Variants in SGCZ observed in about 807,000 individuals in gnomAD.
The protein encoded by SGCZ is sarcoglycan zeta, also known as zeta-sarcoglycan.
Under a neutral mutation model 41.3 loss-of-function variants are expected in SGCZ, and 40 were observed. That is an observed-to-expected ratio of 0.97 (90% CI 0.75 to 1.26). The LOEUF is 1.26. Ranked by LOEUF, SGCZ falls within the 50% of genes most tolerant of loss-of-function variation. The pLI is 0.00. For synonymous variants in SGCZ, 206 were observed against 137.5 expected (o/e 1.50, Z -3.49); for missense variants, 552 against 369.8 (o/e 1.49, Z -4.04).
rs181224754 is a variant in SGCZ at position 15,090,882 on chromosome 8, C to T, written c.39+146703G>A. Reference sequence around the variant, plus strand: ...TAAAATTATAATCTTCCAAGGGAAACGCTAAGCAGCCAAAATACAATCTGT... The same window carrying T: ...TAAAATTATAATCTTCCAAGGGAAATGCTAAGCAGCCAAAATACAATCTGT... On this transcript the variant is annotated intron_variant, in intron 1 of 7. Coordinates refer to ENST00000382080, the MANE Select transcript of SGCZ (RefSeq NM_139167.4). Among the ~76,000 whole-genome samples the T allele has an allele frequency of 8.1e-4, 123 of 152,240 alleles. No homozygotes were observed. In the Middle Eastern group the frequency reaches 0.01, roughly 13 times the overall value.
At chr8:14,790,481 C>A (rs1237554867) in intron 1 of SGCZ, among the ~76,000 whole-genome samples, 2 of 151,926 alleles carry the variant, frequency 1.3e-5, no homozygotes, top group African/African-American at 2.4e-5. Context: ...ATAATCTAAC[C>A]CAATATTCTA....
chr8:14,890,101 C>CA (rs1585352780), intron 1 of SGCZ, among the ~76,000 whole-genome samples: 1 of 152,016 alleles, frequency 6.6e-6, no homozygotes, highest in East Asian at 1.9e-4. Flanking sequence ...CCCATAGTCC[C>CA]AGCTACTCGG....
At chr8:14,596,958 C>G (rs1455624330) in intron 1 of SGCZ, among the ~76,000 whole-genome samples, 1 of 152,084 alleles carries the variant, frequency 6.6e-6, no homozygotes, top group Non-Finnish European at 1.5e-5. Context: ...AACCTGTCAT[C>G]AACCTTTGGG....
At chr8:14,424,400 G>C (rs1585491505) in intron 2 of SGCZ, among the ~76,000 whole-genome samples, 1 of 152,182 alleles carries the variant, frequency 6.6e-6, no homozygotes, top group East Asian at 1.9e-4. Context: ...TAAACATTGG[G>C]TCTTCCATCT....
intron 1 of SGCZ, among the ~76,000 whole-genome samples, chr8:14,731,574 T>C (rs1035193981): frequency 6.6e-6 from 1 of 152,160 alleles, no homozygotes; most frequent in Non-Finnish European, 1.5e-5. Context: ...CCTGTTTAAT[T>C]CAACAATACT....
At chr8:14,700,964 C>G (rs1450863595) in intron 1 of SGCZ, among the ~76,000 whole-genome samples, 1 of 151,746 alleles carries the variant, frequency 6.6e-6, no homozygotes, top group Non-Finnish European at 1.5e-5. Flanking sequence ...TAAAGAGGCT[C>G]ACATAATTAT....
intron 1 of SGCZ, among the ~76,000 whole-genome samples, chr8:14,564,319 A>T (rs1407877050): frequency 2.3e-5 from 1 of 43,696 alleles, no homozygotes; most frequent in Non-Finnish European, 7.1e-5. Flanking sequence ...GGTGTTGATC[A>T]TATTTAGATT....
intron 2 of SGCZ, among the ~76,000 whole-genome samples, chr8:14,459,692 A>G (rs1800846915): frequency 6.6e-6 from 1 of 152,158 alleles, no homozygotes; most frequent in Non-Finnish European, 1.5e-5. Context: ...ATGCTTAACA[A>G]CACTAGTAAT....
At chr8:14,439,357 T>C (rs1446140738) in intron 2 of SGCZ, among the ~76,000 whole-genome samples, 2 of 149,186 alleles carry the variant, frequency 1.3e-5, no homozygotes, top group Admixed American at 6.7e-5. Flanking sequence ...TGGAAATTTC[T>C]ATCAAACATT....
At chr8:14,520,067 G>C (rs1202342670) in intron 2 of SGCZ, among the ~76,000 whole-genome samples, 2 of 151,760 alleles carry the variant, frequency 1.3e-5, no homozygotes, top group African/African-American at 4.8e-5. Flanking sequence ...ACAAATAAAG[G>C]AGTAACAATC....
At chr8:14,839,730 G>C (rs1802835120) in intron 1 of SGCZ, among the ~76,000 whole-genome samples, 1 of 151,780 alleles carries the variant, frequency 6.6e-6, no homozygotes, top group Non-Finnish European at 1.5e-5. Flanking sequence ...GTTATCTTTT[G>C]GCTTAAGTTC....
intron 2 of SGCZ, among the ~76,000 whole-genome samples, chr8:14,416,998 T>C (rs1004933185): frequency 2.6e-5 from 4 of 151,858 alleles, no homozygotes; most frequent in Admixed American, 2.0e-4. Context: ...GGGAGTTAAA[T>C]TGTTATCTTT....
At chr8:14,688,794 A>G (rs1483325476) in intron 1 of SGCZ, among the ~76,000 whole-genome samples, 2 of 152,166 alleles carry the variant, frequency 1.3e-5, no homozygotes, top group Non-Finnish European at 2.9e-5. Context: ...AATAAAGGGT[A>G]TTCAATTAGG....
chr8:15,201,933 C>A (rs1428654256), intron 1 of SGCZ, among the ~76,000 whole-genome samples: 1 of 152,124 alleles, frequency 6.6e-6, no homozygotes, highest in South Asian at 2.1e-4. Flanking sequence ...TTCATTTTCA[C>A]TTACTGTGTT....
At chr8:14,656,190 C>T (rs1213452824) in intron 1 of SGCZ, among the ~76,000 whole-genome samples, 3 of 151,836 alleles carry the variant, frequency 2.0e-5, no homozygotes, top group South Asian at 4.2e-4. Context: ...ACAAACTAAC[C>T]AGCAAAGCAG....
rs183228091 is a variant in SGCZ, at chr8:14,173,224, G to A, written c.425-8522C>T. ...ATTCTTTCCTAAAATTACTAGATGT[G>A]CAAAAATGTGGGAAAATTGACACTA... On this transcript the variant is annotated intron_variant, in intron 4 of 7. Coordinates refer to ENST00000382080, the MANE Select transcript of SGCZ (RefSeq NM_139167.4). 7.9e-5 allele frequency among the ~76,000 whole-genome samples: 12 copies of A among 151,860 alleles called. No homozygotes were observed. In the East Asian group the frequency reaches 2.3e-3, roughly 29 times the overall value.
intron 1 of SGCZ, among the ~76,000 whole-genome samples, chr8:14,792,305 A>G (rs1800982021): frequency 1.3e-5 from 2 of 152,208 alleles, no homozygotes; most frequent in South Asian, 2.1e-4. Context: ...ACACTAATCA[A>G]TATAGGTTAC....
At chr8:14,618,819 T>G (rs549190235) in intron 1 of SGCZ, among the ~76,000 whole-genome samples, 4 of 152,204 alleles carry the variant, frequency 2.6e-5, no homozygotes, top group African/African-American at 9.6e-5. Flanking sequence ...AAAGCATTCC[T>G]TAACAATTCC....
At chr8:14,807,668 C>T (rs1041181972) in intron 1 of SGCZ, among the ~76,000 whole-genome samples, 1 of 151,636 alleles carries the variant, frequency 6.6e-6, no homozygotes, top group African/African-American at 2.4e-5. Context: ...AGGTAATTTA[C>T]AGATTCAATG....
Sources: allele counts gnomAD v4.1 joint callset (sites outside exome capture counted in the v4.1 genomes callset), GRCh38; gene constraint gnomAD v4.1.1; transcripts MANE v1.5; gene names NCBI Gene and HGNC (gene_info 2026-07-23, HGNC 2026-07-21).